The following CLEC16A variants were observed in gnomAD, a reference collection of about 807,000 sequenced individuals.
CLEC16A encodes protein CLEC16A.
CLEC16A carries 51 observed loss-of-function variants against 109.5 expected under a neutral mutation model. That is an observed-to-expected ratio of 0.47 (90% CI 0.37 to 0.59). The LOEUF (loss-of-function observed/expected upper bound fraction) is 0.59. Among genes scored for constraint, CLEC16A ranks in the 20% least tolerant of loss-of-function variants. The pLI is 0.00. For synonymous variants in CLEC16A, 673 were observed against 564.2 expected (o/e 1.19, Z -2.73); for missense variants, 1,339 against 1,394.0 (o/e 0.96, Z 0.63).
chr16:10,996,366 C>T (rs945876847), intron 10 of CLEC16A, among the ~76,000 whole-genome samples: 21 of 152,210 alleles, frequency 1.4e-4, no homozygotes, highest in Non-Finnish European at 3.1e-4. Context: ...GGCCGAGCAC[C>T]TTGGGTCCAA....
intron 22 of CLEC16A, among the ~76,000 whole-genome samples, chr16:11,151,700 A>G (rs1316565618): frequency 6.6e-6 from 1 of 152,248 alleles, no homozygotes; most frequent in Non-Finnish European, 1.5e-5. Context: ...CAGCTTGCCA[A>G]GGGAGCCCAG....
At chr16:10,990,333 C>T (rs556477903) in intron 10 of CLEC16A, among the ~76,000 whole-genome samples, 50 of 152,324 alleles carry the variant, frequency 3.3e-4, no homozygotes, top group African/African-American at 9.6e-4. Context: ...AATCAAAATC[C>T]AGAGTGCAAC....
chr16:11,061,439 G>C (rs1351748337), intron 19 of CLEC16A, among the ~76,000 whole-genome samples: 1 of 152,232 alleles, frequency 6.6e-6, no homozygotes, highest in African/African-American at 2.4e-5. Context: ...CAAAACACCA[G>C]TGTTTAGGTA....
chr16:10,977,783 G>T (rs2043102671), intron 8 of CLEC16A, among the ~76,000 whole-genome samples: 2 of 152,188 alleles, frequency 1.3e-5, no homozygotes, highest in African/African-American at 4.8e-5. Context: ...CTTCCAAAGT[G>T]CTGGGATTAT....
intron 22 of CLEC16A, among the ~76,000 whole-genome samples, chr16:11,133,353 A>ATT (rs576281033): frequency 4.4e-4 from 66 of 149,092 alleles, no homozygotes; most frequent in African/African-American, 1.6e-3. Context: ...AAAAAAAAAA[A>ATT]TTTTTTTTTT....
chr16:11,113,934 C>T (rs1038311618), intron 19 of CLEC16A, among the ~76,000 whole-genome samples: 1 of 152,168 alleles, frequency 6.6e-6, no homozygotes, highest in African/African-American at 2.4e-5. Flanking sequence ...GTGAAACTTT[C>T]GGTTTTAATA....
intron 22 of CLEC16A, among the ~76,000 whole-genome samples, chr16:11,142,372 C>G (rs1320923481): frequency 6.6e-6 from 1 of 152,220 alleles, no homozygotes; most frequent in East Asian, 1.9e-4. Flanking sequence ...CCTGGGCACG[C>G]CTGTCAGAGC....
intron 10 of CLEC16A, among the ~76,000 whole-genome samples, chr16:10,996,865 C>G (rs2044360989): frequency 6.6e-6 from 1 of 152,214 alleles, no homozygotes; most frequent in Non-Finnish European, 1.5e-5. Context: ...ATCAGTGAAT[C>G]CAGCTCTCCC....
In CLEC16A at chr16:11,114,846, C is replaced by A. The variant is rs138927482; in HGVS notation, c.2117-5769C>A. Among the ~76,000 whole-genome samples the A allele has an allele frequency of 1.4e-4, 22 of 152,304 alleles. No individual in the cohort carries two copies. The East Asian group carries it at 3.9e-3, about 27-fold the overall frequency. On this transcript the variant is annotated intron_variant, in intron 19 of 23. Transcript: ENST00000409790. The stretch of plus-strand genomic sequence containing the variant: ...AGCATTTGCTTGTAATCTGTAGAAG[C>A]CGCTTCATTTCTCCTTAACTGCCCC...
At chr16:10,986,926 T>C (rs1246039006) in intron 10 of CLEC16A, among the ~76,000 whole-genome samples, 1 of 152,064 alleles carries the variant, frequency 6.6e-6, no homozygotes, top group African/African-American at 2.4e-5. Flanking sequence ...TGATCTCGGC[T>C]CACTGCAACC....
intron 19 of CLEC16A, among the ~76,000 whole-genome samples, chr16:11,071,515 G>C (rs927165898): frequency 2.5e-4 from 38 of 151,970 alleles, no homozygotes; most frequent in African/African-American, 8.2e-4. Flanking sequence ...GGGAAAAGTA[G>C]CCTTAAAGGA....
intron 11 of CLEC16A, among the ~76,000 whole-genome samples, chr16:11,009,800 A>C (rs1011061323): frequency 6.6e-6 from 1 of 152,222 alleles, no homozygotes; most frequent in Non-Finnish European, 1.5e-5. Flanking sequence ...TTGAGGGTAC[A>C]TAAGTATTTC....
intron 12 of CLEC16A, 131 bp downstream of exon 12, chr16:11,020,456 T>A (rs567170949): frequency 1.2e-4 from 142 of 1,204,446 alleles, no homozygotes; most frequent in Non-Finnish European, 1.6e-4. Flanking sequence ...TTTCTTTCCC[T>A]GCTTCTCCAG....
intron 22 of CLEC16A, among the ~76,000 whole-genome samples, chr16:11,161,187 A>C (rs1223943193): frequency 6.6e-6 from 1 of 152,200 alleles, no homozygotes; most frequent in Non-Finnish European, 1.5e-5. Flanking sequence ...GATAATCATC[A>C]CACTAAATAC....
chr16:11,107,941 G>A (rs1161362008), intron 19 of CLEC16A, among the ~76,000 whole-genome samples: 1 of 152,208 alleles, frequency 6.6e-6, no homozygotes, highest in African/African-American at 2.4e-5. Flanking sequence ...GCACTGAGCC[G>A]TGACTCACCA....
At chr16:11,102,987 C>T (rs949604388) in intron 19 of CLEC16A, among the ~76,000 whole-genome samples, 1 of 152,232 alleles carries the variant, frequency 6.6e-6, no homozygotes, top group African/African-American at 2.4e-5. Flanking sequence ...CGGCCTGGTC[C>T]TCACTGTGCC....
chr16:11,000,561 G>A (rs13337334), intron 10 of CLEC16A, among the ~76,000 whole-genome samples: 1 of 151,912 alleles, frequency 6.6e-6, no homozygotes, highest in Admixed American at 6.6e-5. Flanking sequence ...GGCTGCATTC[G>A]ATCACCCGGC....
intron 13 of CLEC16A, 105 bp from the exon 14 acceptor site, chr16:11,039,649 A>C: frequency 3.3e-6 from 4 of 1,225,996 alleles, no homozygotes; most frequent in Non-Finnish European, 4.4e-6. Flanking sequence ...CCAAGAGGGA[A>C]CATATGTGGC....
chr16:11,144,819 C>G (rs1471016171), intron 22 of CLEC16A, among the ~76,000 whole-genome samples: 2 of 152,152 alleles, frequency 1.3e-5, no homozygotes, highest in Admixed American at 1.3e-4. Flanking sequence ...GTTTTGTGCG[C>G]TGGGGCCAGT....
Sources: gnomAD v4.1 joint callset for allele counts (sites outside exome capture counted in the v4.1 genomes callset) on GRCh38, gnomAD v4.1.1 for gene constraint, MANE v1.5 for transcripts, NCBI Gene and HGNC (gene_info 2026-07-23, HGNC 2026-07-21) for gene names.